The following SLAIN2 variants were observed in gnomAD, a reference collection of about 807,000 sequenced individuals.
SLAIN2 encodes SLAIN family member 2.
SLAIN2 carries 31 observed loss-of-function variants against 56.6 expected under a neutral mutation model. The observed-to-expected ratio is 0.55, with a 90% CI of 0.41 to 0.74. SLAIN2 has a LOEUF of 0.74. Ranked by LOEUF, SLAIN2 falls within the 30% of genes least tolerant of loss-of-function variation. The pLI is 0.00. For missense variants in SLAIN2, 777 were observed against 754.2 expected (o/e 1.03, Z -0.35); for synonymous variants, 317 against 284.9 (o/e 1.11, Z -1.13).
At chr4:48,406,486 G>A (rs1178163812) in intron 6 of SLAIN2, among the ~76,000 whole-genome samples, 3 of 148,590 alleles carry the variant, frequency 2.0e-5, no homozygotes, top group Non-Finnish European at 3.0e-5. Context: ...TATGTTTACT[G>A]AAAACAATTT....
chr4:48,399,300 C>T (rs753313289), intron 6 of SLAIN2, among the ~76,000 whole-genome samples: 17 of 151,940 alleles, frequency 1.1e-4, no homozygotes, highest in Admixed American at 7.2e-4. Flanking sequence ...TTTGGCCCTC[C>T]GCTTGCCTGT....
chr4:48,406,275 A>G (rs1463911344), intron 6 of SLAIN2, among the ~76,000 whole-genome samples: 1 of 152,208 alleles, frequency 6.6e-6, no homozygotes, highest in Non-Finnish European at 1.5e-5. Flanking sequence ...TACTAGAGCT[A>G]GGAAACGTGT....
intron 6 of SLAIN2, among the ~76,000 whole-genome samples, chr4:48,402,244 A>G (rs1716574866): frequency 6.9e-6 from 1 of 144,194 alleles, no homozygotes; most frequent in African/African-American, 2.6e-5. Flanking sequence ...GAATCTGATG[A>G]TTATGTGTCT....
intron 1 of SLAIN2, among the ~76,000 whole-genome samples, chr4:48,346,780 A>G (rs1714877771): frequency 6.7e-6 from 1 of 149,408 alleles, no homozygotes; most frequent in Non-Finnish European, 1.5e-5. Context: ...TGGTTTGTGT[A>G]TGTGTGTGGG....
intron 6 of SLAIN2, among the ~76,000 whole-genome samples, chr4:48,389,079 A>T (rs1262366261): frequency 6.6e-6 from 1 of 152,200 alleles, no homozygotes; most frequent in Non-Finnish European, 1.5e-5. Context: ...CTTGAAATAT[A>T]CATAATTTTG....
rs184845159 is a variant in SLAIN2, at chr4:48,375,247, A to T, written c.539-2649A>T. ...AGCAACTGTATTTCTGCACAGGTTG[A>T]TAGTTCCAAGATCATGCCACATACT... On this transcript the variant is annotated intron_variant, in intron 2 of 7. Coordinates refer to ENST00000264313, the MANE Select transcript of SLAIN2 (RefSeq NM_020846.2). Among the ~76,000 whole-genome samples the T allele has an allele frequency of 1.9e-4, 29 of 152,328 alleles. No homozygotes were observed. The East Asian group carries it at 5.2e-3, about 27-fold the overall frequency.
At chr4:48,370,571 G>T (rs1374722134) in intron 2 of SLAIN2, among the ~76,000 whole-genome samples, 3 of 152,202 alleles carry the variant, frequency 2.0e-5, no homozygotes, top group Non-Finnish European at 4.4e-5. Context: ...CCCTTGTTAT[G>T]TAAAACTACT....
At chr4:48,368,908 T>C (rs763394944) in intron 1 of SLAIN2, among the ~76,000 whole-genome samples, 2 of 152,222 alleles carry the variant, frequency 1.3e-5, no homozygotes, top group Non-Finnish European at 2.9e-5. Flanking sequence ...AAGTAGTTTG[T>C]CTATTGTAGT....
At chr4:48,413,202 T>C (rs1716910638) in intron 6 of SLAIN2, among the ~76,000 whole-genome samples, 2 of 150,174 alleles carry the variant, frequency 1.3e-5, no homozygotes, top group African/African-American at 4.9e-5. Context: ...TTCTCCATCC[T>C]GGGTGATAGA....
intron 6 of SLAIN2, among the ~76,000 whole-genome samples, chr4:48,418,973 G>A (rs1258592251): frequency 3.3e-5 from 5 of 152,082 alleles, no homozygotes; most frequent in African/African-American, 4.8e-5. Flanking sequence ...ACTGCTGAGC[G>A]GTATTCTGTT....
At chr4:48,390,375 A>T (rs1716208815) in intron 6 of SLAIN2, among the ~76,000 whole-genome samples, 1 of 152,278 alleles carries the variant, frequency 6.6e-6, no homozygotes, top group South Asian at 2.1e-4. Context: ...GAAATAAAAG[A>T]TTTAAACAAA....
At chr4:48,365,595 C>T (rs943291102) in intron 1 of SLAIN2, among the ~76,000 whole-genome samples, 1 of 151,686 alleles carries the variant, frequency 6.6e-6, no homozygotes, top group Non-Finnish European at 1.5e-5. Context: ...GAATCTCGCT[C>T]TGTTGCCCAG....
At position 48,342,144 on chromosome 4, in the gene SLAIN2, C is replaced by T; in HGVS notation, c.389+16C>T. On this transcript the variant is annotated intron_variant, in intron 1 of 7. Transcript: ENST00000264313. The stretch of plus-strand genomic sequence containing the variant: ...AGGAGAGCTGGTGAGCGCGAGGCGC[C>T]GGGCAGGAGCTGGGCGGGGACGGGC... 7.5e-7 allele frequency: 1 copy of T among 1,335,478 alleles called. No individual in the cohort carries two copies. The highest frequency in any genetic ancestry group is 9.5e-7 in the Non-Finnish European group (1 of 1,048,326). The allele number at this position is 1,335,478 out of a possible 1,614,324, so 82.7% of individuals were successfully genotyped here.
Position 48,422,042 on chromosome 4 carries a change from A to G in SLAIN2, c.1711A>G (p.Met571Val), listed in dbSNP as rs1717170015. Residue 571 changes from methionine (M) to valine (V), a missense_variant, in exon 8 of 8, where the codon ATG becomes GTG. Transcript: ENST00000264313. ...SLPAPKTYGS[M>V]KDDSWKDGCY ...GCCAGCTCCTAAAACCTATGGTAGC[A>G]TGAAAGATGACAGTTGGAAAGATGG... 3.1e-6 allele frequency: 5 copies of G among 1,610,868 alleles called. No individual in the cohort carries two copies. Among genetic ancestry groups the G allele is most frequent in the Non-Finnish European group, 4.2e-6 (5 of 1,178,696 alleles).
chr4:48,410,065 A>T (rs2109783574), intron 6 of SLAIN2, among the ~76,000 whole-genome samples: 1 of 152,296 alleles, frequency 6.6e-6, no homozygotes, highest in Non-Finnish European at 1.5e-5. Flanking sequence ...TTACAGTGTC[A>T]CCAGCACTGT....
At chr4:48,376,779 C>T (rs1715825846) in intron 2 of SLAIN2, among the ~76,000 whole-genome samples, 1 of 151,224 alleles carries the variant, frequency 6.6e-6, no homozygotes, top group Non-Finnish European at 1.5e-5. Context: ...CCCGCCACCA[C>T]ACCTGGCTAA....
intron 1 of SLAIN2, among the ~76,000 whole-genome samples, chr4:48,364,639 C>T (rs867242556): frequency 8.7e-6 from 1 of 114,494 alleles, no homozygotes; most frequent in South Asian, 3.4e-4. Flanking sequence ...CTCGGGAGGC[C>T]GAGGTTGGCG....
intron 3 of SLAIN2, among the ~76,000 whole-genome samples, chr4:48,378,447 A>G (rs1038396412): frequency 1.1e-4 from 17 of 152,196 alleles, no homozygotes; most frequent in Admixed American, 3.9e-4. Context: ...AAATAATAGT[A>G]TGAGGTTAGA....
intron 6 of SLAIN2, among the ~76,000 whole-genome samples, chr4:48,403,616 C>T (rs547622831): frequency 1.9e-4 from 29 of 152,258 alleles, no homozygotes; most frequent in African/African-American, 6.5e-4. Context: ...GGAGTTCGGT[C>T]TGTGTCAGGC....
Sources: gnomAD v4.1 joint callset for allele counts (sites outside exome capture counted in the v4.1 genomes callset) on GRCh38, gnomAD v4.1.1 for gene constraint, MANE v1.5 for transcripts, NCBI Gene and HGNC (gene_info 2026-07-23, HGNC 2026-07-21) for gene names.